Variants in CFAP299 observed in about 807,000 individuals in gnomAD.
CFAP299 encodes cilia and flagella associated protein 299.
A neutral mutation model predicts 27.0 loss-of-function variants in CFAP299; 21 were observed. The observed-to-expected ratio is 0.78, with a 90% CI of 0.55 to 1.12. The LOEUF is 1.12. Among genes scored for constraint, CFAP299 ranks in the 50% most tolerant of loss-of-function variants. The probability of loss-of-function intolerance (pLI) is 0.00; values close to 1 mark genes in which losing one functional copy is unlikely to be tolerated. For missense variants in CFAP299, 310 were observed against 276.6 expected (o/e 1.12, Z -0.86); for synonymous variants, 104 against 98.1 (o/e 1.06, Z -0.36).
At chr4:80,896,439 A>G (rs1734613531) in intron 4 of CFAP299, among the ~76,000 whole-genome samples, 1 of 152,114 alleles carries the variant, frequency 6.6e-6, no homozygotes, top group Non-Finnish European at 1.5e-5. Flanking sequence ...TTAGTCCTCT[A>G]TTTTCTGAGG....
Position 80,564,590 on chromosome 4 carries a change from C to A in CFAP299, c.243-18503C>A, listed in dbSNP as rs548715569. On this transcript the variant is annotated intron_variant, in intron 2 of 5. Transcript: ENST00000358105. ...TAGGATCATACTAAATGGAGAGAAA[C>A]TGAAACTCTAAGATCTGGAATGTGA... Among the ~76,000 whole-genome samples the A allele has an allele frequency of 1.1e-4, 17 of 148,386 alleles. No homozygotes were observed. The East Asian group carries it at 2.2e-3, about 19-fold the overall frequency.
rs1050832327 is a variant in CFAP299, at chr4:80,910,997, A to AT, written c.477-33806dup. ...AACATTCAATAACGTTATCTTACTA[A>AT]TTTTTTTCTAATCTTTGGCTCTCAG... On this transcript the variant is annotated intron_variant, in intron 4 of 5. Coordinates refer to ENST00000358105, the MANE Select transcript of CFAP299 (RefSeq NM_152770.3). Among the ~76,000 whole-genome samples the AT allele has an allele frequency of 7.2e-5, 11 of 152,054 alleles. No individual in the cohort carries two copies. In the South Asian group the frequency reaches 1.5e-3, roughly 20 times the overall value.
chr4:80,624,083 T>G (rs1738752153), intron 3 of CFAP299, among the ~76,000 whole-genome samples: 1 of 152,156 alleles, frequency 6.6e-6, no homozygotes, highest in South Asian at 2.1e-4. Context: ...TGTTGATGCA[T>G]GACTACAAAT....
At chr4:80,937,891 C>G (rs1736992607) in intron 4 of CFAP299, among the ~76,000 whole-genome samples, 1 of 151,856 alleles carries the variant, frequency 6.6e-6, no homozygotes, top group Non-Finnish European at 1.5e-5. Flanking sequence ...TTTGTTTAAT[C>G]TGCTACTGGT....
At chr4:80,720,446 C>G (rs950952113) in intron 3 of CFAP299, among the ~76,000 whole-genome samples, 1 of 152,000 alleles carries the variant, frequency 6.6e-6, no homozygotes, top group East Asian at 1.9e-4. Flanking sequence ...AAAGTAAGAC[C>G]TGAATGGTCT....
intron 3 of CFAP299, among the ~76,000 whole-genome samples, chr4:80,844,654 G>T (rs1342415834): frequency 6.6e-6 from 1 of 151,944 alleles, no homozygotes; most frequent in Non-Finnish European, 1.5e-5. Flanking sequence ...CTGGATATTA[G>T]CCCTTTGTCA....
chr4:80,883,018 TAATG>T (rs1012013470), intron 4 of CFAP299, among the ~76,000 whole-genome samples: 1 of 152,080 alleles, frequency 6.6e-6, no homozygotes, highest in Non-Finnish European at 1.5e-5. Flanking sequence ...TAAAATATAA[TAATG>T]GTGATGCATA....
intron 1 of CFAP299, among the ~76,000 whole-genome samples, chr4:80,360,292 G>A (rs373277366): frequency 4.2e-4 from 64 of 152,318 alleles, no homozygotes; most frequent in African/African-American, 1.4e-3. Flanking sequence ...CAGTGACAGA[G>A]GCAATGCAGC....
At chr4:80,398,793 G>A (rs1725964818) in intron 2 of CFAP299, among the ~76,000 whole-genome samples, 1 of 152,192 alleles carries the variant, frequency 6.6e-6, no homozygotes, top group African/African-American at 2.4e-5. Context: ...AGGACTTCAT[G>A]TCTAAAACAC....
At chr4:80,558,225 T>A (rs1253305504) in intron 2 of CFAP299, among the ~76,000 whole-genome samples, 1 of 152,128 alleles carries the variant, frequency 6.6e-6, no homozygotes, top group Admixed American at 6.6e-5. Context: ...AATTACTAAT[T>A]AAATTGAATT....
intron 2 of CFAP299, among the ~76,000 whole-genome samples, chr4:80,553,302 T>C (rs1734618939): frequency 6.6e-6 from 1 of 152,194 alleles, no homozygotes; most frequent in African/African-American, 2.4e-5. Context: ...GCTCCATCCA[T>C]GTTCCCACAA....
chr4:80,888,082 C>G (rs1287694331), intron 4 of CFAP299, among the ~76,000 whole-genome samples: 1 of 151,888 alleles, frequency 6.6e-6, no homozygotes, highest in African/African-American at 2.4e-5. Context: ...AAAGAGAAGA[C>G]CATTAAGCAA....
intron 2 of CFAP299, among the ~76,000 whole-genome samples, chr4:80,533,476 T>A (rs1486223922): frequency 6.6e-6 from 1 of 152,186 alleles, no homozygotes; most frequent in Non-Finnish European, 1.5e-5. Flanking sequence ...ACTAAATCCC[T>A]TTTTCTTTTC....
At chr4:80,594,841 G>A (rs1736977494) in intron 3 of CFAP299, among the ~76,000 whole-genome samples, 2 of 152,162 alleles carry the variant, frequency 1.3e-5, no homozygotes, top group South Asian at 4.2e-4. Flanking sequence ...AGAATAACAC[G>A]ACACAAAAGC....
At chr4:80,798,754 G>A (rs781265492) in intron 3 of CFAP299, among the ~76,000 whole-genome samples, 1 of 151,944 alleles carries the variant, frequency 6.6e-6, no homozygotes, top group Non-Finnish European at 1.5e-5. Context: ...CAACCAATCA[G>A]CTTTATTATA....
chr4:80,579,632 T>C (rs955298922), intron 2 of CFAP299, among the ~76,000 whole-genome samples: 6 of 152,172 alleles, frequency 3.9e-5, no homozygotes, highest in African/African-American at 1.4e-4. Context: ...TGGCATTTTG[T>C]ATCTGATAGA....
intron 4 of CFAP299, among the ~76,000 whole-genome samples, chr4:80,931,718 ACG>A (rs750860407): frequency 6.9e-4 from 104 of 151,618 alleles, no homozygotes; most frequent in Non-Finnish European, 1.2e-3. Context: ...TTTAACATGC[ACG>A]CACACACACA....
chr4:80,736,947 A>G (rs2110060678), intron 3 of CFAP299, among the ~76,000 whole-genome samples: 1 of 152,334 alleles, frequency 6.6e-6, no homozygotes. Flanking sequence ...GATTAAGAAA[A>G]TGTGGCACAT....
intron 3 of CFAP299, among the ~76,000 whole-genome samples, chr4:80,586,898 A>G (rs1418703754): frequency 6.6e-6 from 1 of 152,122 alleles, no homozygotes; most frequent in East Asian, 1.9e-4. Flanking sequence ...GCTTTGAAAT[A>G]TGCATTATTG....
Sources: gnomAD v4.1 joint callset for allele counts (sites outside exome capture counted in the v4.1 genomes callset) on GRCh38, gnomAD v4.1.1 for gene constraint, MANE v1.5 for transcripts, NCBI Gene and HGNC (gene_info 2026-07-23, HGNC 2026-07-21) for gene names.